The following MORC1 variants were observed in gnomAD, a reference collection of about 807,000 sequenced individuals.
MORC1 encodes the protein MORC family CW-type zinc finger 1, also known as MORC family CW-type zinc finger protein 1.
A neutral mutation model predicts 134.9 loss-of-function variants in MORC1; 59 were observed. The observed-to-expected ratio is 0.44, with a 90% CI of 0.35 to 0.54. The LOEUF (loss-of-function observed/expected upper bound fraction) is 0.54. MORC1 is among the 20% of genes least tolerant of loss of function. The pLI, the probability that MORC1 is intolerant of heterozygous loss-of-function variation, is 0.00. For synonymous variants in MORC1, 395 were observed against 391.7 expected (o/e 1.01, Z -0.10); for missense variants, 947 against 1,134.5 (o/e 0.83, Z 2.37).
Position 108,963,491 on chromosome 3 carries a change from T to G in MORC1, c.2722A>C (p.Asn908His). Residue 908 changes from asparagine to histidine, a missense_variant, in exon 27 of 28, where the codon AAT becomes CAT. Asn to His is a moderately conservative substitution (Grantham distance 68). This residue lies in a region of MORC1 where 722 missense variants were observed against 817.0 expected (regional missense o/e 0.88). Coordinates refer to ENST00000232603, the MANE Select transcript of MORC1 (RefSeq NM_014429.4). ...HNEISLGQCE[N>H]KRKISEDKLK... ...TTATCCTCAGAGATTTTTCTTTTAT[T>G]TTCACATTGCCCCAGAGAGATTTCA... 1 of 1,612,996 alleles carries G rather than the reference T, an allele frequency of 6.2e-7. No individual in the cohort carries two copies. Among genetic ancestry groups the G allele is most frequent in the Non-Finnish European group, 8.5e-7 (1 of 1,179,734 alleles).
At chr3:109,060,796 G>A (rs1950062403) in intron 11 of MORC1, among the ~76,000 whole-genome samples, 1 of 152,074 alleles carries the variant, frequency 6.6e-6, no homozygotes, top group Non-Finnish European at 1.5e-5. Context: ...TGCCCCCAGA[G>A]CACAGAACAG....
intron 14 of MORC1, among the ~76,000 whole-genome samples, chr3:109,051,949 G>A (rs1336430019): frequency 6.6e-6 from 1 of 152,130 alleles, no homozygotes; most frequent in African/African-American, 2.4e-5. Flanking sequence ...GTGTGACCTA[G>A]ATGGAAATAA....
chr3:109,092,366 A>G (rs901441729), intron 8 of MORC1, among the ~76,000 whole-genome samples: 1 of 152,218 alleles, frequency 6.6e-6, no homozygotes, highest in Non-Finnish European at 1.5e-5. Flanking sequence ...CTATTTGCTA[A>G]CTGTGGAAAG....
chr3:108,991,857 C>T (rs1233322663), intron 21 of MORC1, among the ~76,000 whole-genome samples: 2 of 152,124 alleles, frequency 1.3e-5, no homozygotes, highest in Non-Finnish European at 1.5e-5. Context: ...CTCAGAACTG[C>T]TTTCATTATT....
At chr3:108,974,652 A>G (rs758266710) in intron 24 of MORC1, among the ~76,000 whole-genome samples, 20 of 152,350 alleles carry the variant, frequency 1.3e-4, no homozygotes, top group Admixed American at 2.6e-4. Context: ...TGCCATTTCA[A>G]TGGGACTTTT....
At chr3:109,008,772 T>C (rs1948612086) in intron 17 of MORC1, among the ~76,000 whole-genome samples, 1 of 152,184 alleles carries the variant, frequency 6.6e-6, no homozygotes, top group South Asian at 2.1e-4. Context: ...TTTCCTACTC[T>C]GAACAGTGGC....
At chr3:109,017,534 T>C (rs1368982034) in intron 17 of MORC1, among the ~76,000 whole-genome samples, 1 of 152,230 alleles carries the variant, frequency 6.6e-6, no homozygotes, top group African/African-American at 2.4e-5. Context: ...CACTAATAGA[T>C]ACATTTCAAC....
chr3:108,963,069 T>A (rs572532200), intron 27 of MORC1, among the ~76,000 whole-genome samples: 18 of 151,868 alleles, frequency 1.2e-4, no homozygotes, highest in African/African-American at 4.1e-4. Flanking sequence ...GTGCCTGTAG[T>A]TCCAGCTACT....
intron 3 of MORC1, among the ~76,000 whole-genome samples, chr3:109,108,878 C>A (rs1032315832): frequency 1.4e-5 from 2 of 144,132 alleles, no homozygotes; most frequent in African/African-American, 5.2e-5. Flanking sequence ...CCAGCCTGGG[C>A]GACAGAGCGA....
intron 17 of MORC1, among the ~76,000 whole-genome samples, chr3:109,015,913 T>C (rs1400788559): frequency 6.6e-6 from 1 of 152,202 alleles, no homozygotes; most frequent in Non-Finnish European, 1.5e-5. Flanking sequence ...CAGGACAGTC[T>C]GTCTGGGAAT....
At chr3:109,075,821 T>A (rs1184883708) in intron 8 of MORC1, among the ~76,000 whole-genome samples, 1 of 152,112 alleles carries the variant, frequency 6.6e-6, no homozygotes, top group Non-Finnish European at 1.5e-5. Context: ...TAGTTTTTTT[T>A]TTATTCTGTG....
intron 14 of MORC1, among the ~76,000 whole-genome samples, chr3:109,048,588 C>T (rs1255531061): frequency 2.6e-5 from 4 of 152,218 alleles, no homozygotes; most frequent in Admixed American, 6.5e-5. Context: ...ACAGACTGGG[C>T]GGCCTAAACA....
In MORC1 at chr3:109,059,797, G is replaced by A; in HGVS notation, c.1031+9C>T. On this transcript the variant is annotated intron_variant, in intron 12 of 27. Transcript: ENST00000232603. ...AGGATTCCTGCAAACAGAAAACCTT[G>A]TGTCTTACCTTTGTTTCTCTTTAAG... 1 of 1,609,438 alleles carries A rather than the reference G, an allele frequency of 6.2e-7. No homozygotes were observed. The highest frequency in any genetic ancestry group is 8.5e-7 in the Non-Finnish European group (1 of 1,177,334).
intron 8 of MORC1, among the ~76,000 whole-genome samples, chr3:109,090,340 G>A (rs1168589248): frequency 3.3e-5 from 5 of 151,986 alleles, no homozygotes; most frequent in Non-Finnish European, 5.9e-5. Flanking sequence ...TGTCAAAGCC[G>A]GGCGCAGTGA....
chr3:109,071,155 C>T (rs1950307575), intron 8 of MORC1, among the ~76,000 whole-genome samples: 1 of 152,130 alleles, frequency 6.6e-6, no homozygotes, highest in Admixed American at 6.6e-5. Flanking sequence ...TGTTTAAATC[C>T]TTTCTGGATC....
In MORC1 at chr3:109,005,118, T is replaced by A. The variant is rs1187556350; in HGVS notation, c.1965A>T (p.Arg655Ser). The A allele has an allele frequency of 5.6e-6, 9 of 1,613,392 alleles. No homozygotes were observed. Among genetic ancestry groups the A allele is most frequent in the Non-Finnish European group, 7.6e-6 (9 of 1,179,766 alleles). The change falls in exon 19 of 28, where the codon AGA (arginine) becomes AGT (serine). Residue 655 changes from arginine to serine, a missense_variant. Physicochemically the swap from Arg to Ser is moderately radical, Grantham distance 110. Around this residue, in one of 3 missense-constraint regions of MORC1, gnomAD observed 722 missense variants for 817.0 expected, o/e 0.88. Coordinates refer to ENST00000232603, the MANE Select transcript of MORC1 (RefSeq NM_014429.4). ...MEEKMNSQQQ[R>S]IPVALPENVK... is the part of the protein sequence containing the mutation. ...CATTTTCTGGCAGAGCTACTGGAATTCTCTGCTGTTGAGAGTTCATTTTCT... is the reference window on the plus strand; with the variant it reads ...CATTTTCTGGCAGAGCTACTGGAATACTCTGCTGTTGAGAGTTCATTTTCT...
At chr3:109,051,335 AT>A (rs1274300592) in intron 14 of MORC1, among the ~76,000 whole-genome samples, 1 of 152,238 alleles carries the variant, frequency 6.6e-6, no homozygotes, top group Non-Finnish European at 1.5e-5. Flanking sequence ...AGGCAAAAAA[AT>A]CTACCTAAAT....
intron 16 of MORC1, among the ~76,000 whole-genome samples, chr3:109,031,579 C>T (rs967093804): frequency 2.8e-4 from 42 of 152,226 alleles, no homozygotes; most frequent in African/African-American, 8.7e-4. Context: ...TGGGGATGAA[C>T]GCAGGTTAGG....
chr3:109,077,225 C>T (rs995637906), intron 8 of MORC1, among the ~76,000 whole-genome samples: 3 of 152,064 alleles, frequency 2.0e-5, no homozygotes, highest in Non-Finnish European at 4.4e-5. Context: ...CCAACAGACT[C>T]TGAAAGAATC....
Sources: allele counts gnomAD v4.1 joint callset (sites outside exome capture counted in the v4.1 genomes callset), GRCh38; gene constraint gnomAD v4.1.1; regional missense constraint gnomAD v4.1.1; transcripts MANE v1.5; gene names NCBI Gene and HGNC (gene_info 2026-07-23, HGNC 2026-07-21).